Variants in ATP6V0A2 observed in about 807,000 individuals in gnomAD.
The protein encoded by ATP6V0A2 is ATPase H+ transporting V0 subunit a2.
Under a neutral mutation model 104.4 loss-of-function variants are expected in ATP6V0A2, and 58 were observed. The observed-to-expected ratio is 0.56, with a 90% CI of 0.45 to 0.69. ATP6V0A2 has a LOEUF of 0.69. ATP6V0A2 is among the 30% of genes least tolerant of loss of function. The probability of loss-of-function intolerance (pLI) is 0.00; values close to 1 mark genes in which losing one functional copy is unlikely to be tolerated. For synonymous variants in ATP6V0A2, 376 were observed against 397.9 expected (o/e 0.95, Z 0.65); for missense variants, 938 against 1,062.9 (o/e 0.88, Z 1.63).
At chr12:123,737,318 T>C in intron 9 of ATP6V0A2, 47 bp downstream of exon 9, 3 of 1,568,118 alleles carry the variant, frequency 1.9e-6, no homozygotes, top group South Asian at 1.1e-5. Context: ...GAGAGACTGA[T>C]GGAACTGATA....
intron 15 of ATP6V0A2, 26 bp from the exon 16 acceptor site, chr12:123,751,084 G>C: frequency 6.2e-7 from 1 of 1,613,862 alleles, no homozygotes; most frequent in Non-Finnish European, 8.5e-7. Flanking sequence ...CGTTTTAATC[G>C]GGTTTCTCAC....
intron 4 of ATP6V0A2, 112 bp from the exon 5 acceptor site, chr12:123,726,085 C>T: frequency 1.3e-6 from 1 of 784,446 alleles, no homozygotes; most frequent in Non-Finnish European, 2.2e-6. Flanking sequence ...GTCTTTGCAC[C>T]CAGATCTAAG....
At chr12:123,714,434 G>A (rs990052716) in intron 1 of ATP6V0A2, among the ~76,000 whole-genome samples, 2 of 152,196 alleles carry the variant, frequency 1.3e-5, no homozygotes, top group Non-Finnish European at 2.9e-5. Context: ...CCTTGCAAGG[G>A]AAAGGGGGGC....
At position 123,744,763 on chromosome 12, in the gene ATP6V0A2, A is replaced by G. The variant is rs763343555; in HGVS notation, c.1493A>G (p.His498Arg). 4 of 1,614,050 alleles carry G rather than the reference A, an allele frequency of 2.5e-6. No homozygotes were observed. The highest frequency in any genetic ancestry group is 4.5e-5 in the East Asian group (2 of 44,898). The change falls in exon 12 of 20, where the codon CAT (histidine) becomes CGT (arginine). Residue 498 changes from histidine (H) to arginine (R), a missense_variant. Coordinates refer to ENST00000330342, the MANE Select transcript of ATP6V0A2 (RefSeq NM_012463.4). The surrounding 1 kb of genome is among the most constrained non-coding windows in gnomAD (Gnocchi z 5.4). Reference sequence around the variant, plus strand: ...AGCTCCAGCCACCCACCCGCAGAGCATAAGAAGATGGTGCTTTGGAAGTAA... The same window carrying G: ...AGCTCCAGCCACCCACCCGCAGAGCGTAAGAAGATGGTGCTTTGGAAGTAA... ...MYSSSHPPAE[H>R]KKMVLWNDSV...
intron 7 of ATP6V0A2, among the ~76,000 whole-genome samples, chr12:123,734,448 G>A (rs1285095819): frequency 6.6e-6 from 1 of 152,182 alleles, no homozygotes; most frequent in African/African-American, 2.4e-5. Flanking sequence ...GAGCCTCCCT[G>A]TGTCGCTGTC....
chr12:123,716,466 G>A (rs77949358), intron 1 of ATP6V0A2, among the ~76,000 whole-genome samples: 1,741 of 152,250 alleles, frequency 0.011, 17 homozygotes, highest in Non-Finnish European at 0.017. Context: ...CTTTATTGAG[G>A]TGTATGGTAG....
chr12:123,733,863 C>T (rs1956527066), intron 6 of ATP6V0A2, 63 bp from the exon 7 acceptor site: 1 of 1,168,036 alleles, frequency 8.6e-7, no homozygotes. Flanking sequence ...AGTGTTTGAG[C>T]TGCCGAAGTT....
chr12:123,754,132 C>T, intron 17 of ATP6V0A2: 1 of 552,844 alleles, frequency 1.8e-6, no homozygotes, highest in Non-Finnish European at 3.2e-6. Flanking sequence ...CACGGCAGTT[C>T]CTCTGGTCTA....
intron 6 of ATP6V0A2, among the ~76,000 whole-genome samples, chr12:123,730,178 T>C (rs997501627): frequency 6.7e-6 from 1 of 149,900 alleles, no homozygotes; most frequent in Non-Finnish European, 1.5e-5. Flanking sequence ...CCTCAGCCTC[T>C]CAAGTAGCTG....
Position 123,722,432 on chromosome 12 carries a change from A to G in ATP6V0A2, c.278A>G (p.Gln93Arg). ...EASPPAPPLK[Q>R]VLEMQEQLQK... ...AGCCCTCCTGCGCCACCCCTGAAAC[A>G]GGTTCTAGAAATGCAGGTAACTTGC... Residue 93 changes from glutamine (Q) to arginine (R), a missense_variant, in exon 3 of 20, where the codon CAG (glutamine) becomes CGG (arginine). By Grantham distance (43) the Gln-to-Arg change is conservative. Coordinates refer to ENST00000330342, the MANE Select transcript of ATP6V0A2 (RefSeq NM_012463.4). The G allele has an allele frequency of 6.2e-7, 1 of 1,609,232 alleles. No individual in the cohort carries two copies. The highest frequency in any genetic ancestry group is 8.5e-7 in the Non-Finnish European group (1 of 1,175,500).
intron 1 of ATP6V0A2, among the ~76,000 whole-genome samples, chr12:123,715,007 A>C (rs1483422952): frequency 6.6e-6 from 1 of 152,198 alleles, no homozygotes. Flanking sequence ...ACTTGAACCC[A>C]GGAGGCAGAG....
rs1052848877 is a variant in ATP6V0A2 at position 123,760,557 on chromosome 12, GGAT to G, written c.*2529_*2531del. On this transcript the variant is annotated 3_prime_UTR_variant, in exon 20 of 20. Transcript: ENST00000330342. Reference sequence around the variant, plus strand: ...CCAGAGCACAGATGGCAAGTTGTGTGGATGATACTGAATATGTTTATTTTCCTA... The same window carrying G: ...CCAGAGCACAGATGGCAAGTTGTGTGGATACTGAATATGTTTATTTTCCTA... The G allele has an allele frequency of 6.8e-4, 103 of 152,258 alleles. 3 individuals carry two copies. The highest frequency in any genetic ancestry group is 2.4e-3 in the African/African-American group (98 of 41,542). 9.4% of individuals were successfully genotyped at this position (152,258 alleles called of 1,614,324 possible).
chr12:123,747,452 A>G (rs1457337445), intron 13 of ATP6V0A2, among the ~76,000 whole-genome samples, 155 bp from the exon 14 acceptor site: 2 of 152,234 alleles, frequency 1.3e-5, no homozygotes, highest in African/African-American at 4.8e-5. Context: ...AAGGAAATCA[A>G]TGGTTCTCAG....
In ATP6V0A2 at chr12:123,722,532, C is replaced by T. The variant is rs976220064; in HGVS notation, c.294+84C>T. The T allele has an allele frequency of 1.9e-5, 16 of 842,284 alleles. No homozygotes were observed. The African/African-American group carries it at 2.7e-4, about 14-fold the overall frequency. The allele number at this position is 842,284 out of a possible 1,614,324, so 52.2% of individuals were successfully genotyped here. On this transcript the variant is annotated intron_variant, in intron 3 of 19. Coordinates refer to ENST00000330342, the MANE Select transcript of ATP6V0A2 (RefSeq NM_012463.4). ...TTATTTCATGTTGTCTAATGCTTTT[C>T]TGCCTTTCTTCTCAAAACTATGGAA...
chr12:123,725,957 A>G (rs1363674371), intron 4 of ATP6V0A2, among the ~76,000 whole-genome samples: 1 of 152,192 alleles, frequency 6.6e-6, no homozygotes, highest in Non-Finnish European at 1.5e-5. Context: ...GATGAAGGCA[A>G]TGAACTAAAT....
intron 16 of ATP6V0A2, 77 bp downstream of exon 16, chr12:123,751,306 A>C (rs930310390): frequency 4.1e-5 from 65 of 1,603,112 alleles, no homozygotes; most frequent in Non-Finnish European, 5.2e-5. Context: ...TGTAGAAAAC[A>C]CCTCCTGGAG....
chr12:123,744,259 A>C lies in ATP6V0A2; in HGVS notation c.1248A>C (p.Gly416=). 8.1e-6 allele frequency: 13 copies of C among 1,614,186 alleles called. No individual in the cohort carries two copies. Among genetic ancestry groups the C allele is most frequent in the Non-Finnish European group, 1.1e-5 (13 of 1,180,022 alleles). ...FLFAVMFGDF[G]HGFVMFLFAL... ...TTGCTGTGATGTTTGGAGACTTCGG[A>C]CATGGCTTTGTGATGTTTTTATTTG... is the stretch of plus-strand genomic sequence containing the variant. Residue 416 remains glycine, a synonymous_variant, in exon 11 of 20, where the codon GGA becomes GGC. Transcript: ENST00000330342. This position sits in a 1 kb window ranked among gnomAD's most constrained non-coding sequence, Gnocchi z 5.4.
rs139065426 is a variant in ATP6V0A2 at position 123,721,434 on chromosome 12, A to G, written c.197-917A>G. On this transcript the variant is annotated intron_variant, in intron 2 of 19. Transcript: ENST00000330342. ...CATTATAGTTATAAACCTTCACAAAAGACTTGACCTTTGACCTCTTGGCAA... is the reference window on the plus strand; with the variant it reads ...CATTATAGTTATAAACCTTCACAAAGGACTTGACCTTTGACCTCTTGGCAA... 1.5e-3 allele frequency: 230 copies of G among 154,072 alleles called. 2 individuals are homozygous for G. Among genetic ancestry groups the G allele is most frequent in the African/African-American group, 5.3e-3 (220 of 41,586 alleles). 9.5% of individuals were successfully genotyped at this position (154,072 alleles called of 1,614,324 possible). A position where few individuals can be genotyped will look rare whatever the true frequency, so the allele number is the denominator to read the frequency against.
At position 123,751,009 on chromosome 12, in the gene ATP6V0A2, G is replaced by A. The variant is rs1031668690; in HGVS notation, c.1936-101G>A. The A allele has an allele frequency of 8.6e-6, 13 of 1,508,182 alleles. No individual in the cohort carries two copies. The African/African-American group carries it at 1.1e-4, about 13-fold the overall frequency. 93.4% of individuals were successfully genotyped at this position (1,508,182 alleles called of 1,614,324 possible). On this transcript the variant is annotated intron_variant, in intron 15 of 19. Transcript: ENST00000330342. ...CTGGCATTTATTGAATGTTCCTCGC[G>A]TGGAGACATTGTTCGATCTTTCCTG... is the stretch of plus-strand genomic sequence containing the variant.
Sources: gnomAD v4.1 joint callset for allele counts (sites outside exome capture counted in the v4.1 genomes callset) on GRCh38, gnomAD v4.1.1 for gene constraint, Gnocchi (gnomAD v3.1) non-coding constraint, MANE v1.5 for transcripts, NCBI Gene and HGNC (gene_info 2026-07-23, HGNC 2026-07-21) for gene names.